DOT1L: variants seen among roughly 807,000 people sequenced by gnomAD.
DOT1L encodes histone-lysine N-methyltransferase, H3 lysine-79 specific.
A neutral mutation model predicts 153.3 loss-of-function variants in DOT1L; 33 were observed. The ratio of observed to expected loss-of-function variants is 0.22; its 90% CI spans 0.16 to 0.29. The LOEUF is 0.29. Ranked by LOEUF, DOT1L falls within the 10% of genes least tolerant of loss-of-function variation. The probability of loss-of-function intolerance (pLI) is 1.00; values close to 1 mark genes in which losing one functional copy is unlikely to be tolerated. For missense variants in DOT1L, 1,847 were observed against 2,119.9 expected (o/e 0.87, Z 2.53); for synonymous variants, 1,135 against 965.1 (o/e 1.18, Z -3.26).
intron 1 of DOT1L, among the ~76,000 whole-genome samples, chr19:2,170,294 C>T (rs1437651490): frequency 6.6e-6 from 1 of 152,178 alleles, no homozygotes; most frequent in Non-Finnish European, 1.5e-5. Flanking sequence ...TCCACGCTTG[C>T]CCCTGGTGTG....
Position 2,216,102 on chromosome 19 carries a change from T to C in DOT1L, c.1924-179T>C, listed in dbSNP as rs2023887157. 8 of 833,222 alleles carry C rather than the reference T, an allele frequency of 9.6e-6. No homozygotes were observed. In the South Asian group the frequency reaches 1.5e-4, roughly 16 times the overall value. The allele number at this position is 833,222 out of a possible 1,614,324, so 51.6% of individuals were successfully genotyped here. A position where few individuals can be genotyped will look rare whatever the true frequency, so the allele number is the denominator to read the frequency against. On this transcript the variant is annotated intron_variant, in intron 19 of 27. Transcript: ENST00000398665. ...AACCATCCTCGGCCCTCCACATGACTTTATTTGACGCCCCCAGCTTCCCGA... is the reference window on the plus strand; with the variant it reads ...AACCATCCTCGGCCCTCCACATGACCTTATTTGACGCCCCCAGCTTCCCGA...
At position 2,226,720 on chromosome 19, in the gene DOT1L, C is replaced by G; in HGVS notation, c.4199C>G (p.Thr1400Arg). Reference protein sequence around the residue: ...GEGGLPLCGPTDKTPLLSGKA... With the variant: ...GEGGLPLCGPRDKTPLLSGKA... ...GGCGGCCTACCGCTGTGCGGGCCCA[C>G]GGACAAGACCCCACTGCTGAGCGGC... The change falls in exon 27 of 28, where the codon ACG becomes AGG. Residue 1400 changes from threonine (T) to arginine (R), a missense_variant. By Grantham distance (71) the Thr-to-Arg change is moderately conservative. This residue lies in a region of DOT1L where 934 missense variants were observed against 825.3 expected (regional missense o/e 1.13). Coordinates refer to ENST00000398665, the MANE Select transcript of DOT1L (RefSeq NM_032482.3). 1.9e-6 allele frequency: 3 copies of G among 1,559,494 alleles called. No homozygotes were observed. The highest frequency in any genetic ancestry group is 2.6e-6 in the Non-Finnish European group (3 of 1,157,614).
intron 9 of DOT1L, among the ~76,000 whole-genome samples, chr19:2,205,228 C>T (rs963981516): frequency 2.0e-5 from 3 of 152,138 alleles, no homozygotes; most frequent in Admixed American, 2.0e-4. Context: ...GCCTCGGCCT[C>T]CCAAAGTGCT....
At chr19:2,170,062 A>G (rs2020068360) in intron 1 of DOT1L, among the ~76,000 whole-genome samples, 1 of 152,024 alleles carries the variant, frequency 6.6e-6, no homozygotes, top group African/African-American at 2.4e-5. Flanking sequence ...TGAACCCGAG[A>G]GGGGGAGGCT....
At chr19:2,202,640 C>T (rs767868366) in intron 8 of DOT1L, 60 bp from the exon 9 acceptor site, 174 of 1,546,488 alleles carry the variant, frequency 1.1e-4, no homozygotes, top group East Asian at 6.5e-4. Context: ...TTGGCTGCGC[C>T]GGGTGGCTGT....
rs978396352 is a variant in DOT1L at position 2,191,943 on chromosome 19, G to T, written c.493+703G>T. The stretch of plus-strand genomic sequence containing the variant: ...TGGCCTGGCTGAAGCACAGATGAGC[G>T]GCCCGTACACGAACAGCCTCAGTAG... On this transcript the variant is annotated intron_variant, in intron 5 of 27. Transcript: ENST00000398665. This position sits in a 1 kb window ranked among gnomAD's most constrained non-coding sequence, Gnocchi z 6.8. 2.2e-4 allele frequency among the ~76,000 whole-genome samples: 34 copies of T among 152,310 alleles called. No homozygotes were observed. Among genetic ancestry groups the T allele is most frequent in the African/African-American group, 7.7e-4 (32 of 41,574 alleles).
intron 2 of DOT1L, among the ~76,000 whole-genome samples, chr19:2,182,202 G>A (rs2022273668): frequency 6.6e-6 from 1 of 151,978 alleles, no homozygotes. Flanking sequence ...ACTGCAGCCT[G>A]GGTGATAAGA....
rs1481118454 is a variant in DOT1L at position 2,199,786 on chromosome 19, G to C, written c.652-98G>C. On this transcript the variant is annotated intron_variant, in intron 7 of 27. Transcript: ENST00000398665. The stretch of plus-strand genomic sequence containing the variant: ...CTCCTCCTGCTCCTTCACTGCAAGC[G>C]GAGCTGTGTTCATTCCATTCTTTCT... 13 of 1,493,286 alleles carry C rather than the reference G, an allele frequency of 8.7e-6. No individual in the cohort carries two copies. In the Admixed American group the frequency reaches 1.7e-4, roughly 19 times the overall value. 92.5% of individuals were successfully genotyped at this position (1,493,286 alleles called of 1,614,324 possible).
chr19:2,184,196 T>C (rs1325616281), intron 2 of DOT1L, among the ~76,000 whole-genome samples: 8 of 152,136 alleles, frequency 5.3e-5, no homozygotes, highest in Admixed American at 5.2e-4. Context: ...CAGATGGCCT[T>C]GCTTGGGTTG....
At chr19:2,221,698 C>T (rs887741819) in intron 23 of DOT1L, 1 of 478,216 alleles carries the variant, frequency 2.1e-6, no homozygotes, top group Non-Finnish European at 3.7e-6. Context: ...GGAGCCCGCA[C>T]CAGGAGGCTT....
intron 3 of DOT1L, 46 bp from the exon 4 acceptor site, chr19:2,189,686 G>T: frequency 6.2e-7 from 1 of 1,602,298 alleles, no homozygotes. Context: ...CATGCATGCG[G>T]CTGGCTCCTG....
intron 1 of DOT1L, among the ~76,000 whole-genome samples, chr19:2,172,782 G>A (rs1221969682): frequency 2.6e-5 from 4 of 152,096 alleles, no homozygotes; most frequent in Admixed American, 6.5e-5. Flanking sequence ...GATTACAGGC[G>A]TGAGCCACTG....
chr19:2,199,870 G>C lies in DOT1L; in HGVS notation c.652-14G>C. 2 of 1,613,646 alleles carry C rather than the reference G, an allele frequency of 1.2e-6. No homozygotes were observed. Among genetic ancestry groups the C allele is most frequent in the African/African-American group, 1.3e-5 (1 of 75,042 alleles). ...AGGCCGGGGGTCCGCGCTCACACCT[G>C]TTTTCCCTTTCAGTTGGAGAGAGGC... On this transcript the variant is annotated splice_polypyrimidine_tract_variant and intron_variant, in intron 7 of 27. Coordinates refer to ENST00000398665, the MANE Select transcript of DOT1L (RefSeq NM_032482.3).
At chr19:2,224,991 A>G (rs1192110065) in intron 25 of DOT1L, among the ~76,000 whole-genome samples, 1 of 152,068 alleles carries the variant, frequency 6.6e-6, no homozygotes, top group Non-Finnish European at 1.5e-5. Flanking sequence ...GCTGGCCTGC[A>G]ATGCTGTGGC....
Position 2,190,105 on chromosome 19 carries a change from G to A in DOT1L, c.264+310G>A, listed in dbSNP as rs1264473683. Reference sequence around the variant, plus strand: ...GGTGTCCGCAGGTCCCAGCAGAGGCGGGGTCCCTGTCCTCCCCGGGCTGTG... The same window carrying A: ...GGTGTCCGCAGGTCCCAGCAGAGGCAGGGTCCCTGTCCTCCCCGGGCTGTG... On this transcript the variant is annotated intron_variant, in intron 4 of 27. Coordinates refer to ENST00000398665, the MANE Select transcript of DOT1L (RefSeq NM_032482.3). This position sits in a 1 kb window ranked among gnomAD's most constrained non-coding sequence, Gnocchi z 4.8. Among the ~76,000 whole-genome samples the A allele has an allele frequency of 6.6e-6, 1 of 152,148 alleles. No individual in the cohort carries two copies. The highest frequency in any genetic ancestry group is 1.5e-5 in the Non-Finnish European group (1 of 68,018).
intron 9 of DOT1L, among the ~76,000 whole-genome samples, chr19:2,203,632 A>G (rs1444521662): frequency 6.6e-6 from 1 of 152,174 alleles, no homozygotes; most frequent in African/African-American, 2.4e-5. Flanking sequence ...TCAGGAGCGG[A>G]GAACTCAGCC....
chr19:2,179,615 C>A (rs182896213), intron 1 of DOT1L, among the ~76,000 whole-genome samples: 5 of 152,212 alleles, frequency 3.3e-5, no homozygotes, highest in Admixed American at 3.3e-4. Flanking sequence ...CGAGACCAGC[C>A]TGATCAACAT....
At position 2,230,694 on chromosome 19, in the gene DOT1L, A is replaced by G. The variant is rs1293089211; in HGVS notation, c.*902A>G. ...AATTTATAAATTTCATAGATTTGAC[A>G]GCTTTTATTTTTAGATGGTATAATG... On this transcript the variant is annotated 3_prime_UTR_variant, in exon 28 of 28. Coordinates refer to ENST00000398665, the MANE Select transcript of DOT1L (RefSeq NM_032482.3). The G allele has an allele frequency of 1.8e-5, 7 of 397,850 alleles. No individual in the cohort carries two copies. Among genetic ancestry groups the G allele is most frequent in the Non-Finnish European group, 3.1e-5 (7 of 226,052 alleles). The allele number at this position is 397,850 out of a possible 1,614,324, so 24.6% of individuals were successfully genotyped here. A position where few individuals can be genotyped will look rare whatever the true frequency, so the allele number is the denominator to read the frequency against.
chr19:2,171,119 C>T (rs553904984), intron 1 of DOT1L, among the ~76,000 whole-genome samples: 6 of 152,296 alleles, frequency 3.9e-5, no homozygotes, highest in East Asian at 1.9e-4. Context: ...TGAGCCACCA[C>T]GCCTGGCTAA....
Sources: allele counts gnomAD v4.1 joint callset (sites outside exome capture counted in the v4.1 genomes callset), GRCh38; gene constraint gnomAD v4.1.1; regional missense constraint gnomAD v4.1.1; non-coding constraint Gnocchi (gnomAD v3.1); transcripts MANE v1.5; gene names NCBI Gene and HGNC (gene_info 2026-07-23, HGNC 2026-07-21).